The following SLC8A1 variants were observed in gnomAD, a reference collection of about 807,000 sequenced individuals.
SLC8A1 encodes sodium/calcium exchanger 1.
SLC8A1 carries 18 observed loss-of-function variants against 68.3 expected under a neutral mutation model. That is an observed-to-expected ratio of 0.26 (90% CI 0.18 to 0.39). SLC8A1 has a LOEUF of 0.39. Among genes scored for constraint, SLC8A1 ranks in the 10% least tolerant of loss-of-function variants. SLC8A1 has a pLI of 1.00. For missense variants in SLC8A1, 985 were observed against 1,156.7 expected (o/e 0.85, Z 2.15); for synonymous variants, 475 against 415.5 (o/e 1.14, Z -1.74).
intron 2 of SLC8A1, among the ~76,000 whole-genome samples, chr2:40,252,470 T>G (rs1365168976): frequency 6.6e-6 from 1 of 152,120 alleles, no homozygotes; most frequent in African/African-American, 2.4e-5. Flanking sequence ...GTAACTGGGA[T>G]GACAGGCGCC....
At chr2:40,203,242 A>T (rs1176361890) in intron 2 of SLC8A1, among the ~76,000 whole-genome samples, 2 of 152,046 alleles carry the variant, frequency 1.3e-5, no homozygotes, top group African/African-American at 4.8e-5. Flanking sequence ...TGGAGGTAAT[A>T]ATCCTGGAGA....
chr2:40,470,697 T>C (rs1182777136), intron 1 of SLC8A1, among the ~76,000 whole-genome samples: 2 of 152,020 alleles, frequency 1.3e-5, no homozygotes, highest in Admixed American at 1.3e-4. Flanking sequence ...TCAACTGATA[T>C]GTGTGTTTGT....
At chr2:40,383,196 T>G (rs1043667091) in intron 2 of SLC8A1, among the ~76,000 whole-genome samples, 1 of 152,134 alleles carries the variant, frequency 6.6e-6, no homozygotes, top group Non-Finnish European at 1.5e-5. Flanking sequence ...ACATAAATCA[T>G]GGAGCAAAGT....
chr2:40,256,762 C>T (rs940711255), intron 2 of SLC8A1, among the ~76,000 whole-genome samples: 3 of 152,200 alleles, frequency 2.0e-5, no homozygotes, highest in African/African-American at 4.8e-5. Flanking sequence ...CCAGAACACA[C>T]TTTAGGCCTG....
At chr2:40,293,977 A>G (rs940154119) in intron 2 of SLC8A1, among the ~76,000 whole-genome samples, 10 of 152,254 alleles carry the variant, frequency 6.6e-5, no homozygotes, top group Admixed American at 4.6e-4. Flanking sequence ...GGAGTATAGA[A>G]AGTGTTGGGA....
In SLC8A1 at chr2:40,334,311, T is replaced by G. The variant is rs1377670010; in HGVS notation, c.1808+94162A>C. 2.0e-5 allele frequency among the ~76,000 whole-genome samples: 3 copies of G among 152,214 alleles called. 1 individual carries two copies. Among genetic ancestry groups the G allele is most frequent in the East Asian group, 3.9e-4 (2 of 5,188 alleles). ...ACTGAATATTGTATTAGGCTTTTGA[T>G]GACTTTTAGCCCAGTCAAATACTCA... On this transcript the variant is annotated intron_variant, in intron 2 of 7. Transcript: ENST00000406785.
rs1353184358 is a variant in SLC8A1 at position 40,142,577 on chromosome 2, T to G, written c.2162-2901A>C. 2.0e-5 allele frequency among the ~76,000 whole-genome samples: 3 copies of G among 152,330 alleles called. No homozygotes were observed. The East Asian group carries it at 5.8e-4, about 29-fold the overall frequency. ...CTACAAAATTACTTAATTTGGGGCA[T>G]CTAAATCTCTTATTTTGAAGACGAA... On this transcript the variant is annotated intron_variant, in intron 6 of 7. Coordinates refer to ENST00000406785, the Ensembl canonical transcript of SLC8A1.
intron 4 of SLC8A1, among the ~76,000 whole-genome samples, chr2:40,172,928 G>A (rs1440421418): frequency 6.6e-6 from 1 of 152,098 alleles, no homozygotes; most frequent in East Asian, 1.9e-4. Flanking sequence ...GCAACAGAGT[G>A]AGACTCCATC....
chr2:40,336,341 G>C (rs948692689), intron 2 of SLC8A1, among the ~76,000 whole-genome samples: 10 of 152,136 alleles, frequency 6.6e-5, no homozygotes, highest in Admixed American at 5.9e-4. Flanking sequence ...ATTAATGAAT[G>C]AATAAGGATT....
chr2:40,386,507 G>A (rs1441471357), intron 2 of SLC8A1, among the ~76,000 whole-genome samples: 1 of 124,776 alleles, frequency 8.0e-6, no homozygotes, highest in Admixed American at 8.4e-5. Flanking sequence ...TTTTAGATCA[G>A]GATTTTTATT....
In SLC8A1 at chr2:40,240,703, C is replaced by T. The variant is rs114259815; in HGVS notation, c.1809-62848G>A. ...TATTTCTTGAGCATTCACTACATAC[C>T]AAGCACATTTTTCTAGTTTAAAAGT... On this transcript the variant is annotated intron_variant, in intron 2 of 7. Coordinates refer to ENST00000406785, the Ensembl canonical transcript of SLC8A1. 4.2e-3 allele frequency among the ~76,000 whole-genome samples: 638 copies of T among 152,156 alleles called. 7 individuals carry two copies. The highest frequency in any genetic ancestry group is 0.015 in the African/African-American group (604 of 41,506).
chr2:40,139,874 T>G (rs548286575), intron 6 of SLC8A1, among the ~76,000 whole-genome samples, 198 bp from the exon 10 acceptor site: 1 of 152,288 alleles, frequency 6.6e-6, no homozygotes, highest in African/African-American at 2.4e-5. Context: ...GCCTCTTACC[T>G]GTGGCTCATT....
intron 2 of SLC8A1, among the ~76,000 whole-genome samples, chr2:40,188,489 C>T (rs560841447): frequency 2.6e-5 from 4 of 152,224 alleles, no homozygotes; most frequent in Admixed American, 2.6e-4. Context: ...GTTGCCCAAC[C>T]TTTTCAAAAG....
intron 7 of SLC8A1, among the ~76,000 whole-genome samples, chr2:40,135,591 G>A (rs1270207068): frequency 3.3e-5 from 5 of 152,126 alleles, no homozygotes; most frequent in Non-Finnish European, 7.4e-5. Context: ...GGTGGTATGT[G>A]CCTGTAGTCC....
At chr2:40,242,068 T>C (rs2061296657) in intron 2 of SLC8A1, among the ~76,000 whole-genome samples, 1 of 152,154 alleles carries the variant, frequency 6.6e-6, no homozygotes, top group Non-Finnish European at 1.5e-5. Flanking sequence ...CTATGATGTC[T>C]CCATTTTGAC....
At chr2:40,352,209 T>A (rs1671317368) in intron 2 of SLC8A1, among the ~76,000 whole-genome samples, 1 of 152,168 alleles carries the variant, frequency 6.6e-6, no homozygotes. Context: ...TTTGAGCCAG[T>A]GTGTCATGTG....
intron 3 of SLC8A1, among the ~76,000 whole-genome samples, chr2:40,176,502 A>G (rs907067190): frequency 7.9e-5 from 12 of 152,130 alleles, no homozygotes; most frequent in African/African-American, 2.2e-4. Context: ...TCTTCTGTCT[A>G]CCATCTATGG....
chr2:40,336,776 AAAT>A (rs1255907861), intron 2 of SLC8A1, among the ~76,000 whole-genome samples: 1 of 152,132 alleles, frequency 6.6e-6, no homozygotes, highest in Non-Finnish European at 1.5e-5. Context: ...TTCATGAAAA[AAAT>A]AATAAAGTCC....
chr2:40,262,204 G>A (rs918447230), intron 2 of SLC8A1, among the ~76,000 whole-genome samples: 7 of 151,988 alleles, frequency 4.6e-5, no homozygotes, highest in East Asian at 1.9e-4. Flanking sequence ...CTTGTGATCC[G>A]CCCACCTCAG....
Sources: gnomAD v4.1 joint callset for allele counts (sites outside exome capture counted in the v4.1 genomes callset) on GRCh38, gnomAD v4.1.1 for gene constraint, MANE v1.5 for transcripts, NCBI Gene and HGNC (gene_info 2026-07-23, HGNC 2026-07-21) for gene names.